The following LSAMP variants were observed in gnomAD, a reference collection of about 807,000 sequenced individuals.
LSAMP encodes limbic system associated membrane protein, also known as limbic system-associated membrane protein.
Under a neutral mutation model 38.6 loss-of-function variants are expected in LSAMP, and 7 were observed. The observed-to-expected ratio is 0.18, with a 90% CI of 0.10 to 0.34. The LOEUF (loss-of-function observed/expected upper bound fraction) is 0.34. LSAMP is among the 10% of genes least tolerant of loss of function. The probability of loss-of-function intolerance (pLI) is 1.00; values close to 1 mark genes in which losing one functional copy is unlikely to be tolerated. For missense variants in LSAMP, 313 were observed against 420.0 expected (o/e 0.75, Z 2.23); for synonymous variants, 154 against 166.8 (o/e 0.92, Z 0.59).
At chr3:116,260,857 T>C (rs907143607) in intron 1 of LSAMP, among the ~76,000 whole-genome samples, 1 of 152,180 alleles carries the variant, frequency 6.6e-6, no homozygotes, top group African/African-American at 2.4e-5. Context: ...TTGGGAGATT[T>C]AGACTTCAGC....
At chr3:115,919,766 C>T (rs1937339904) in intron 3 of LSAMP, among the ~76,000 whole-genome samples, 1 of 152,114 alleles carries the variant, frequency 6.6e-6, no homozygotes, top group Non-Finnish European at 1.5e-5. Context: ...CAGGCACCAC[C>T]ATGTCTGACT....
intron 3 of LSAMP, among the ~76,000 whole-genome samples, chr3:115,928,355 A>C (rs564711930): frequency 6.6e-6 from 1 of 152,342 alleles, no homozygotes; most frequent in African/African-American, 2.4e-5. Context: ...GAGCTTGTGA[A>C]GGCGGCAAAA....
chr3:116,310,291 A>C (rs1363297304), intron 1 of LSAMP, among the ~76,000 whole-genome samples: 1 of 152,160 alleles, frequency 6.6e-6, no homozygotes, highest in African/African-American at 2.4e-5. Context: ...GAGAAGTCAC[A>C]CAACTCTGGC....
chr3:116,063,352 A>T (rs548634184), intron 2 of LSAMP, among the ~76,000 whole-genome samples: 3 of 152,146 alleles, frequency 2.0e-5, no homozygotes, highest in Admixed American at 6.5e-5. Context: ...AACAAAATCC[A>T]GCCTAAGCCT....
chr3:115,856,041 G>A (rs947065048), intron 3 of LSAMP, among the ~76,000 whole-genome samples: 1 of 152,188 alleles, frequency 6.6e-6, no homozygotes, highest in African/African-American at 2.4e-5. Context: ...CAGGAAATGG[G>A]AGCTTTTCTG....
chr3:115,930,238 A>T (rs1937560596), intron 3 of LSAMP, among the ~76,000 whole-genome samples: 1 of 151,978 alleles, frequency 6.6e-6, no homozygotes, highest in South Asian at 2.1e-4. Context: ...AAAATTACAG[A>T]TTTATTTTTG....
chr3:116,168,465 C>T (rs1710116146), intron 1 of LSAMP, among the ~76,000 whole-genome samples: 1 of 152,108 alleles, frequency 6.6e-6, no homozygotes, highest in Admixed American at 6.5e-5. Context: ...GAAATTCATC[C>T]CAGAGATAAG....
chr3:115,843,016 G>A (rs1935043768), intron 4 of LSAMP, among the ~76,000 whole-genome samples: 3 of 152,172 alleles, frequency 2.0e-5, no homozygotes, highest in South Asian at 4.2e-4. Flanking sequence ...ATGGCCTTGA[G>A]GAGTCTGATG....
intron 3 of LSAMP, among the ~76,000 whole-genome samples, chr3:115,854,178 C>T (rs1187865023): frequency 6.6e-6 from 1 of 150,552 alleles, no homozygotes; most frequent in East Asian, 1.9e-4. Context: ...TTCTGAAGTT[C>T]TGCACATTAT....
At chr3:115,976,534 AGAT>A (rs903530766) in intron 3 of LSAMP, among the ~76,000 whole-genome samples, 2 of 152,212 alleles carry the variant, frequency 1.3e-5, no homozygotes, top group African/African-American at 4.8e-5. Context: ...AATTTTAAAA[AGAT>A]GATCTCCAGG....
At chr3:116,075,260 C>T (rs1331979398) in intron 2 of LSAMP, among the ~76,000 whole-genome samples, 1 of 151,644 alleles carries the variant, frequency 6.6e-6, no homozygotes, top group African/African-American at 2.4e-5. Context: ...CGTCAGCCTC[C>T]CAAGTAGCTG....
At chr3:116,315,613 AC>A (rs1481181703) in intron 1 of LSAMP, among the ~76,000 whole-genome samples, 5 of 152,250 alleles carry the variant, frequency 3.3e-5, no homozygotes, top group Non-Finnish European at 5.9e-5. Context: ...ATAGTTATTT[AC>A]AAATGTAAAT....
intron 1 of LSAMP, among the ~76,000 whole-genome samples, chr3:116,196,649 A>T (rs931348057): frequency 6.6e-5 from 10 of 152,210 alleles, no homozygotes; most frequent in Admixed American, 6.5e-4. Context: ...AATTTAGATT[A>T]AAAAAAGTAG....
chr3:115,964,101 A>G (rs759358680), intron 3 of LSAMP, among the ~76,000 whole-genome samples: 4 of 152,112 alleles, frequency 2.6e-5, no homozygotes, highest in Non-Finnish European at 5.9e-5. Flanking sequence ...AGTTTTCCTG[A>G]TAGTGTTCAA....
intron 3 of LSAMP, among the ~76,000 whole-genome samples, chr3:115,977,232 T>C (rs1189916997): frequency 6.6e-6 from 1 of 152,180 alleles, no homozygotes; most frequent in African/African-American, 2.4e-5. Flanking sequence ...GACCAATGGA[T>C]GAAAAGAAGA....
intron 3 of LSAMP, among the ~76,000 whole-genome samples, chr3:116,004,898 G>A (rs1359057863): frequency 6.6e-6 from 1 of 152,068 alleles, no homozygotes; most frequent in Non-Finnish European, 1.5e-5. Flanking sequence ...AATCACACAT[G>A]GGTGGCTTCC....
chr3:116,240,814 G>A (rs2046522931), intron 1 of LSAMP, among the ~76,000 whole-genome samples: 2 of 152,148 alleles, frequency 1.3e-5, no homozygotes, highest in Admixed American at 6.5e-5. Context: ...ACAAATAATA[G>A]CATTAAATAA....
At chr3:115,848,822 CG>C (rs1935241081) in intron 4 of LSAMP, among the ~76,000 whole-genome samples, 1 of 152,030 alleles carries the variant, frequency 6.6e-6, no homozygotes, top group Non-Finnish European at 1.5e-5. Context: ...TTCAATGGGG[CG>C]GGGACAGGCT....
intron 2 of LSAMP, among the ~76,000 whole-genome samples, chr3:116,058,439 G>T (rs1305825758): frequency 1.3e-5 from 2 of 150,146 alleles, no homozygotes; most frequent in Admixed American, 6.7e-5. Context: ...AGTTTCCAAG[G>T]GTTTCTGTAG....
Sources: allele counts gnomAD v4.1 joint callset (sites outside exome capture counted in the v4.1 genomes callset), GRCh38; gene constraint gnomAD v4.1.1; transcripts MANE v1.5; gene names NCBI Gene and HGNC (gene_info 2026-07-23, HGNC 2026-07-21).